The following NCKAP5 variants were observed in gnomAD, a reference collection of about 807,000 sequenced individuals.
NCKAP5 encodes the protein NCK associated protein 5, also known as nck-associated protein 5.
Under a neutral mutation model 167.0 loss-of-function variants are expected in NCKAP5, and 92 were observed. The observed-to-expected ratio is 0.55, with a 90% CI of 0.47 to 0.66. The LOEUF (loss-of-function observed/expected upper bound fraction) is 0.66, where lower values mean the gene tolerates loss of function less well. NCKAP5 is among the 30% of genes least tolerant of loss of function. The pLI is 0.00. For missense variants in NCKAP5, 2,378 were observed against 2,315.0 expected, an observed-to-expected ratio of 1.03 and a Z score of -0.56; for synonymous variants, 891 against 877.4, an observed-to-expected ratio of 1.02 and a Z score of -0.27.
At chr2:133,559,394 C>T (rs959579048) in intron 1 of NCKAP5, among the ~76,000 whole-genome samples, 1 of 152,186 alleles carries the variant, frequency 6.6e-6, no homozygotes, top group African/African-American at 2.4e-5. Flanking sequence ...TCAGGGCTTA[C>T]TGCAACCTGG....
At chr2:132,812,621 G>A (rs1372795768) in intron 11 of NCKAP5, among the ~76,000 whole-genome samples, 1 of 152,096 alleles carries the variant, frequency 6.6e-6, no homozygotes, top group African/African-American at 2.4e-5. Context: ...GGGTTCTGGG[G>A]GCTTTCCTAG....
intron 2 of NCKAP5, among the ~76,000 whole-genome samples, chr2:133,537,484 A>G (rs865839288): frequency 1.3e-5 from 2 of 152,098 alleles, no homozygotes; most frequent in Admixed American, 6.5e-5. Flanking sequence ...ACAATGTTTT[A>G]TAAGTTTTAG....
the NCKAP5 span, among the ~76,000 whole-genome samples, chr2:133,645,396 T>C: frequency 6.6e-6 from 1 of 152,146 alleles, no homozygotes; most frequent in Admixed American, 6.5e-5. Flanking sequence ...AAACATTTTG[T>C]AGCATACCTA....
chr2:133,664,731 C>T, the NCKAP5 span, among the ~76,000 whole-genome samples: 1 of 152,150 alleles, frequency 6.6e-6, no homozygotes, highest in Non-Finnish European at 1.5e-5. Flanking sequence ...ATCTCCTGAC[C>T]TTGTGATCCA....
At chr2:133,609,771 G>T in the NCKAP5 span, among the ~76,000 whole-genome samples, 2 of 152,182 alleles carry the variant, frequency 1.3e-5, no homozygotes, top group Non-Finnish European at 2.9e-5. Flanking sequence ...GGAAGCTGTA[G>T]AGATATAATA....
intron 8 of NCKAP5, among the ~76,000 whole-genome samples, chr2:132,917,338 C>A (rs1397707099): frequency 6.6e-6 from 1 of 152,070 alleles, no homozygotes; most frequent in Non-Finnish European, 1.5e-5. Flanking sequence ...TTTATAAGAT[C>A]CATACGTTTG....
At chr2:132,768,634 T>C (rs1348010912) in intron 16 of NCKAP5, among the ~76,000 whole-genome samples, 1 of 144,264 alleles carries the variant, frequency 6.9e-6, no homozygotes. Flanking sequence ...TAGTTAATAA[T>C]ATCTTTTTTT....
intron 3 of NCKAP5, among the ~76,000 whole-genome samples, chr2:133,511,089 T>G (rs551667239): frequency 1.3e-5 from 2 of 152,322 alleles, no homozygotes; most frequent in African/African-American, 4.8e-5. Context: ...TCTGCTAAAG[T>G]GGCTTTGATG....
At chr2:133,071,318 G>A (rs1172345189) in intron 6 of NCKAP5, among the ~76,000 whole-genome samples, 19 of 151,842 alleles carry the variant, frequency 1.3e-4, no homozygotes, top group African/African-American at 9.6e-5. Context: ...AGTGGCGGGC[G>A]CCTGTAGTCC....
chr2:133,331,528 C>T lies in NCKAP5; in HGVS notation c.70-28418G>A, dbSNP rs529800669. 3.9e-5 allele frequency among the ~76,000 whole-genome samples: 6 copies of T among 152,288 alleles called. No homozygotes were observed. In the South Asian group the frequency reaches 6.2e-4, roughly 16 times the overall value. On this transcript the variant is annotated intron_variant, in intron 3 of 19. Coordinates refer to ENST00000409261, the MANE Select transcript of NCKAP5 (RefSeq NM_207363.3). ...TTCCCGTTATGACTGAGAGCAGCAA[C>T]GTGTTCTGCTCCATGGTGGCAAATG...
chr2:133,163,299 A>C (rs1400881593), intron 5 of NCKAP5, among the ~76,000 whole-genome samples: 1 of 152,126 alleles, frequency 6.6e-6, no homozygotes, highest in Non-Finnish European at 1.5e-5. Flanking sequence ...CTTTAACTTG[A>C]TTGCCTCTAC....
chr2:132,869,352 C>A (rs1690611668), intron 9 of NCKAP5, among the ~76,000 whole-genome samples: 2 of 152,150 alleles, frequency 1.3e-5, no homozygotes, highest in Non-Finnish European at 2.9e-5. Context: ...TTTACAATAT[C>A]CTTTGCCTGT....
At chr2:133,180,527 C>T (rs1016414231) in intron 5 of NCKAP5, among the ~76,000 whole-genome samples, 2 of 151,918 alleles carry the variant, frequency 1.3e-5, no homozygotes, top group African/African-American at 2.4e-5. Context: ...TTTGTAGAGA[C>T]GCGGTTTCAC....
chr2:133,652,291 A>T, the NCKAP5 span, among the ~76,000 whole-genome samples: 1 of 152,240 alleles, frequency 6.6e-6, no homozygotes, highest in East Asian at 1.9e-4. Context: ...AGCAAGTGAT[A>T]GTCCCAAGGC....
chr2:133,130,895 A>G (rs1162158785), intron 5 of NCKAP5, among the ~76,000 whole-genome samples: 2 of 152,148 alleles, frequency 1.3e-5, no homozygotes, highest in Non-Finnish European at 2.9e-5. Context: ...CCATGCTGTT[A>G]TTGTTACTGC....
intron 4 of NCKAP5, among the ~76,000 whole-genome samples, chr2:133,238,863 C>T (rs573950540): frequency 6.6e-6 from 1 of 152,272 alleles, no homozygotes; most frequent in Non-Finnish European, 1.5e-5. Context: ...CTGGTTTTCT[C>T]ATTACAAAGC....
chr2:132,800,545 T>G (rs1214017514), intron 11 of NCKAP5, among the ~76,000 whole-genome samples: 2 of 152,150 alleles, frequency 1.3e-5, no homozygotes, highest in Admixed American at 6.5e-5. Context: ...ATATGCTTCC[T>G]TTGACGGTGA....
At chr2:133,578,500 C>A in the NCKAP5 span, among the ~76,000 whole-genome samples, 3 of 152,188 alleles carry the variant, frequency 2.0e-5, no homozygotes, top group Non-Finnish European at 4.4e-5. Context: ...ACCCAAGGAC[C>A]CTTCTTCCCC....
intron 2 of NCKAP5, among the ~76,000 whole-genome samples, chr2:133,532,619 T>C (rs891833067): frequency 6.6e-6 from 1 of 152,146 alleles, no homozygotes; most frequent in Non-Finnish European, 1.5e-5. Flanking sequence ...GTTCCTCCTA[T>C]AAGAAGGAGC....
Sources: gnomAD v4.1 joint callset for allele counts (sites outside exome capture counted in the v4.1 genomes callset) on GRCh38, gnomAD v4.1.1 for gene constraint, MANE v1.5 for transcripts, NCBI Gene and HGNC (gene_info 2026-07-23, HGNC 2026-07-21) for gene names.